Variants in CROCC2 observed in about 807,000 individuals in gnomAD.
CROCC2 encodes ciliary rootlet coiled-coil, rootletin family member 2, also known as ciliary rootlet coiled-coil protein 2.
A neutral mutation model predicts 177.6 loss-of-function variants in CROCC2; 163 were observed. That is an observed-to-expected ratio of 0.92 (90% CI 0.81 to 1.05). The LOEUF (loss-of-function observed/expected upper bound fraction) is 1.05. CROCC2 is among the 50% of genes least tolerant of loss of function. The probability of loss-of-function intolerance (pLI) is 0.00; values close to 1 mark genes in which losing one functional copy is unlikely to be tolerated. For missense variants in CROCC2, 1,929 were observed against 1,797.8 expected (o/e 1.07, Z -1.32); for synonymous variants, 904 against 787.3 (o/e 1.15, Z -2.48).
intron 14 of CROCC2, among the ~76,000 whole-genome samples, chr2:240,937,920 C>G (rs2059479489): frequency 6.6e-6 from 1 of 152,236 alleles, no homozygotes; most frequent in African/African-American, 2.4e-5. Flanking sequence ...TTCACTCCCT[C>G]TCTCCTGCCA....
Position 240,982,473 on chromosome 2 carries a change from G to A in CROCC2, c.4402-407G>A, listed in dbSNP as rs535631001. 8.7e-5 allele frequency: 14 copies of A among 160,896 alleles called. No individual in the cohort carries two copies. Among genetic ancestry groups the A allele is most frequent in the Non-Finnish European group, 1.7e-4 (13 of 74,292 alleles). 10.0% of individuals were successfully genotyped at this position (160,896 alleles called of 1,614,324 possible). ...ATGGCAGAAGGGGCAAGCAGGGCCT[G>A]AGCCGAACAGGCTCCAGGAGCCTTG... On this transcript the variant is annotated intron_variant, in intron 27 of 31. Transcript: ENST00000690015. This position sits in a 1 kb window ranked among gnomAD's most constrained non-coding sequence, Gnocchi z 4.7.
Position 240,953,388 on chromosome 2 carries a change from T to C in CROCC2, c.2830-2471T>C, listed in dbSNP as rs2106471968. 6.6e-6 allele frequency among the ~76,000 whole-genome samples: 1 copy of C among 150,648 alleles called. No individual in the cohort carries two copies. Among genetic ancestry groups the C allele is most frequent in the East Asian group, 2.0e-4 (1 of 5,088 alleles). On this transcript the variant is annotated intron_variant, in intron 18 of 31. Transcript: ENST00000690015. The surrounding 1 kb of genome is among the most constrained non-coding windows in gnomAD (Gnocchi z 4.0). ...GTGAGCGGAGATCACGCCACTGCAT[T>C]CCAGCCTGGGTGACAGAGTGAGACT...
At chr2:240,941,733 T>G (rs1346825507) in intron 14 of CROCC2, among the ~76,000 whole-genome samples, 1 of 152,236 alleles carries the variant, frequency 6.6e-6, no homozygotes, top group Non-Finnish European at 1.5e-5. Context: ...ACAAACAATG[T>G]AAGACCCTTC....
intron 28 of CROCC2, chr2:240,983,711 A>C: frequency 5.8e-6 from 6 of 1,042,436 alleles, no homozygotes; most frequent in African/African-American, 1.7e-5. Flanking sequence ...CACTAAGCTC[A>C]GGGTCAGGAC....
chr2:240,983,367 C>G (rs1017096780), intron 28 of CROCC2: 4 of 1,294,990 alleles, frequency 3.1e-6, no homozygotes, highest in Non-Finnish European at 4.0e-6. Context: ...GGAACGACCC[C>G]GCTCTCAGAA....
At chr2:240,933,532 C>A in intron 10 of CROCC2, 138 bp from the exon 11 acceptor site, 3 of 1,152,536 alleles carry the variant, frequency 2.6e-6, no homozygotes, top group Non-Finnish European at 3.6e-6. Flanking sequence ...GCCAGTGAGA[C>A]CCTGTCTGCT....
rs1449607300 is a variant in CROCC2 at position 240,917,338 on chromosome 2, C to A, written c.79-1388C>A. Among the ~76,000 whole-genome samples the A allele has an allele frequency of 6.7e-6, 1 of 149,568 alleles. No individual in the cohort carries two copies. The highest frequency in any genetic ancestry group is 1.5e-5 in the Non-Finnish European group (1 of 67,982). On this transcript the variant is annotated intron_variant, in intron 1 of 31. Coordinates refer to ENST00000690015, the MANE Select transcript of CROCC2 (RefSeq NM_001351305.2). This position sits in a 1 kb window ranked among gnomAD's most constrained non-coding sequence, Gnocchi z 4.9. ...TTTGGGGTGCAGATGGAGGAGGAGG[C>A]CTGTGTCCAGGGAGCATCCGGGATA... is the stretch of plus-strand genomic sequence containing the variant.
chr2:240,971,776 C>G (rs891233588), intron 27 of CROCC2, among the ~76,000 whole-genome samples: 1 of 152,166 alleles, frequency 6.6e-6, no homozygotes, highest in South Asian at 2.1e-4. Context: ...CATCCCAATA[C>G]TGATCCCCTG....
At chr2:240,987,235 CCCA>C (rs2059846845) in intron 28 of CROCC2, among the ~76,000 whole-genome samples, 1 of 152,076 alleles carries the variant, frequency 6.6e-6, no homozygotes, top group South Asian at 2.1e-4. Context: ...GGGCACAGTG[CCCA>C]CCGTGAGTCC....
chr2:240,941,481 C>A (rs1206121176), intron 14 of CROCC2, among the ~76,000 whole-genome samples: 1 of 152,144 alleles, frequency 6.6e-6, no homozygotes, highest in African/African-American at 2.4e-5. Flanking sequence ...TAAAAATAGG[C>A]ACATAGACCA....
intron 13 of CROCC2, 87 bp downstream of exon 13, chr2:240,935,149 C>T: frequency 7.7e-7 from 1 of 1,295,402 alleles, no homozygotes; most frequent in South Asian, 2.5e-5. Flanking sequence ...TTCTTTCCAT[C>T]CTCCCAGATC....
rs1266829300 is a variant in CROCC2 at position 240,960,885 on chromosome 2, A to G, written c.3087+1441A>G. ...GGCCCGGTCAGCGACCACACGGGGA[A>G]GCAAAACGAGATTGCAAAACTGGGG... On this transcript the variant is annotated intron_variant, in intron 20 of 31. Coordinates refer to ENST00000690015, the MANE Select transcript of CROCC2 (RefSeq NM_001351305.2). This position sits in a 1 kb window ranked among gnomAD's most constrained non-coding sequence, Gnocchi z 5.0. Among the ~76,000 whole-genome samples the G allele has an allele frequency of 2.1e-5, 3 of 139,550 alleles. No homozygotes were observed. The highest frequency in any genetic ancestry group is 3.1e-5 in the Non-Finnish European group (2 of 64,666). 91.6% of individuals were successfully genotyped at this position (139,550 alleles called of 152,430 possible). A position where few individuals can be genotyped will look rare whatever the true frequency, so the allele number is the denominator to read the frequency against.
intron 31 of CROCC2, among the ~76,000 whole-genome samples, chr2:240,992,836 C>T (rs1338278588): frequency 6.6e-6 from 1 of 152,232 alleles, no homozygotes; most frequent in Non-Finnish European, 1.5e-5. Flanking sequence ...AGGCATGTCC[C>T]TTCCCTGCCT....
intron 28 of CROCC2, among the ~76,000 whole-genome samples, chr2:240,987,165 CA>C (rs1442435831): frequency 6.6e-6 from 1 of 152,158 alleles, no homozygotes; most frequent in East Asian, 1.9e-4. Context: ...GGTGGAGGAG[CA>C]GGGGGCTTGC....
At chr2:240,975,106 C>T (rs994821344) in intron 27 of CROCC2, among the ~76,000 whole-genome samples, 2 of 152,148 alleles carry the variant, frequency 1.3e-5, no homozygotes, top group African/African-American at 4.8e-5. Flanking sequence ...ACTGGACAAA[C>T]TGATTGCAAA....
intron 1 of CROCC2, among the ~76,000 whole-genome samples, chr2:240,911,316 A>T (rs1448076399): frequency 8.0e-3 from 116 of 14,430 alleles, no homozygotes; most frequent in Non-Finnish European, 0.021. Flanking sequence ...TTTTTTTTTT[A>T]GACAGAGTTG....
intron 28 of CROCC2, chr2:240,983,698 T>A: frequency 8.8e-7 from 1 of 1,141,368 alleles, no homozygotes; most frequent in Non-Finnish European, 1.2e-6. Flanking sequence ...GCCGGCGGGG[T>A]GGCACTAAGC....
chr2:240,976,169 CAG>C (rs2059762939), intron 27 of CROCC2, among the ~76,000 whole-genome samples: 1 of 151,792 alleles, frequency 6.6e-6, no homozygotes, highest in South Asian at 2.1e-4. Flanking sequence ...GTAGGAGCCT[CAG>C]AAGCCCAGGC....
At chr2:240,961,586 TCACACA>T (rs72080262) in intron 20 of CROCC2, among the ~76,000 whole-genome samples, 6 of 136,884 alleles carry the variant, frequency 4.4e-5, no homozygotes, top group African/African-American at 8.6e-5. Flanking sequence ...ACACATACAC[TCACACA>T]CACACACGCA....
Sources: allele counts gnomAD v4.1 joint callset (sites outside exome capture counted in the v4.1 genomes callset), GRCh38; gene constraint gnomAD v4.1.1; non-coding constraint Gnocchi (gnomAD v3.1); transcripts MANE v1.5; gene names NCBI Gene and HGNC (gene_info 2026-07-23, HGNC 2026-07-21).